Variants in ZNF208 observed in about 807,000 individuals in gnomAD.
ZNF208 encodes the protein zinc finger protein 95.
In ZNF208, 10 loss-of-function variants were observed where a neutral mutation model predicts 12.1. The observed-to-expected ratio is 0.83, with a 90% confidence interval of 0.51 to 1.40. ZNF208 has a LOEUF of 1.40. ZNF208 is among the 40% of genes most tolerant of loss of function. The pLI, the probability that ZNF208 is intolerant of heterozygous loss-of-function variation, is 0.00. For synonymous variants in ZNF208, 497 were observed against 488.4 expected, an observed-to-expected ratio of 1.02 and a Z score of -0.23; for missense variants, 1,652 against 1,485.0, an observed-to-expected ratio of 1.11 and a Z score of -1.85.
At chr19:22,004,332 G>A (rs1330249081) in intron 1 of ZNF208, among the ~76,000 whole-genome samples, 4 of 151,980 alleles carry the variant, frequency 2.6e-5, no homozygotes, top group East Asian at 1.9e-4. Context: ...CCTGGCCAAC[G>A]TGGCAAAACC....
intron 3 of ZNF208, among the ~76,000 whole-genome samples, chr19:21,982,142 G>A (rs2145560842): frequency 6.6e-6 from 1 of 152,136 alleles, no homozygotes; most frequent in East Asian, 1.9e-4. Flanking sequence ...TGGATCATGA[G>A]GTCAGGAGAT....
At chr19:21,944,115 T>TC (rs1287224543) in intron 4 of ZNF208, among the ~76,000 whole-genome samples, 1 of 152,232 alleles carries the variant, frequency 6.6e-6, no homozygotes, top group African/African-American at 2.4e-5. Flanking sequence ...AAGGCACTAT[T>TC]CAGTAGATAT....
chr19:21,970,167 C>A lies in ZNF208; in HGVS notation c.*1024G>T, dbSNP rs1970252700. ...TCTGAGGTGTTGCCAAAAGCATTGT[C>A]ACATCTTTCAGGTTTGTAGAGTCTC... On this transcript the variant is annotated 3_prime_UTR_variant, in exon 4 of 4. Transcript: ENST00000397126. Among the ~76,000 whole-genome samples the A allele has an allele frequency of 6.6e-6, 1 of 152,174 alleles. No homozygotes were observed. Among genetic ancestry groups the A allele is most frequent in the African/African-American group, 2.4e-5 (1 of 41,458 alleles).
intron 1 of ZNF208, among the ~76,000 whole-genome samples, chr19:21,999,921 C>A (rs1365366711): frequency 6.6e-6 from 1 of 152,192 alleles, no homozygotes; most frequent in East Asian, 1.9e-4. Context: ...TGTCTTACAA[C>A]AGCCAGGTCT....
At chr19:21,961,948 G>A (rs1970077660), downstream of ZNF208, among the ~76,000 whole-genome samples, 1 of 152,102 alleles carries the variant, frequency 6.6e-6, no homozygotes, top group Non-Finnish European at 1.5e-5. Context: ...TACTGGTCCT[G>A]AGGTGACATA....
chr19:21,942,547 T>A (rs1457899992), intron 4 of ZNF208, among the ~76,000 whole-genome samples: 2 of 152,346 alleles, frequency 1.3e-5, no homozygotes, highest in East Asian at 3.9e-4. Flanking sequence ...TTCAATGTTG[T>A]TTACAGGGAT....
In ZNF208 at chr19:21,968,740, G is replaced by A. The variant is rs547803910; in HGVS notation, c.*2451C>T. On this transcript the variant is annotated 3_prime_UTR_variant, in exon 4 of 4. Coordinates refer to ENST00000397126, the MANE Select transcript of ZNF208 (RefSeq NM_007153.3). ...GGTGAAATCCCACCTTGATTTTTTC[G>A]AATGCATTCAGTAGGCTTAGGTAAA... is the stretch of plus-strand genomic sequence containing the variant. 3.7e-4 allele frequency among the ~76,000 whole-genome samples: 55 copies of A among 147,284 alleles called. No homozygotes were observed. The highest frequency in any genetic ancestry group is 6.1e-4 in the Non-Finnish European group (41 of 67,210).
intron 4 of ZNF208, chr19:21,941,225 A>C (rs1246692481): frequency 2.5e-6 from 1 of 398,040 alleles, no homozygotes; most frequent in Non-Finnish European, 4.4e-6. Context: ...AGCAAAGCAA[A>C]CACCAGAGAA....
chr19:21,986,967 G>A, intron 3 of ZNF208: 1 of 487,460 alleles, frequency 2.1e-6, no homozygotes, highest in Non-Finnish European at 3.6e-6. Context: ...TGTATGCCAT[G>A]AACAGTACTT....
At position 21,973,563 on chromosome 19, in the gene ZNF208, G is replaced by A. The variant is rs1970355097; in HGVS notation, c.1471C>T (p.His491Tyr). ...CATTTGTAGGGTTTCTCTCCAGCATGAGTTGCCTTATCACATTCTTCACAT... is the reference window on the plus strand; with the variant it reads ...CATTTGTAGGGTTTCTCTCCAGCATAAGTTGCCTTATCACATTCTTCACAT... ...YKCEECDKAT[H>Y]AGEKPYKCEE... is the part of the protein sequence containing the mutation. The change falls in exon 4 of 4, where the codon CAT becomes TAT. Residue 491 changes from histidine to tyrosine, a missense_variant. This residue lies in a region of ZNF208 where 1,239 missense variants were observed against 1,086.2 expected (regional missense o/e 1.14). Transcript: ENST00000397126. 1.2e-6 allele frequency: 2 copies of A among 1,610,350 alleles called. No individual in the cohort carries two copies. The highest frequency in any genetic ancestry group is 1.4e-5 in the African/African-American group (1 of 73,798).
chr19:21,983,044 A>C (rs1175427144), intron 3 of ZNF208, among the ~76,000 whole-genome samples: 8 of 152,208 alleles, frequency 5.3e-5, no homozygotes. Context: ...GCTTCTGCAC[A>C]GCAAAAGAAA....
chr19:21,991,740 C>CAAAAAAAA (rs555662605), intron 1 of ZNF208: 4 of 73,774 alleles, frequency 5.4e-5, no homozygotes, highest in African/African-American at 4.1e-5. Flanking sequence ...AACTCCATCT[C>CAAAAAAAA]AAAAAAAAAA....
At chr19:21,963,557 C>T (rs1385060242), downstream of ZNF208, among the ~76,000 whole-genome samples, 6 of 151,940 alleles carry the variant, frequency 3.9e-5, no homozygotes, top group African/African-American at 9.7e-5. Context: ...AGTGGAGGTG[C>T]AACACATTGC....
At chr19:22,008,074 G>A (rs1971079291) in intron 1 of ZNF208, among the ~76,000 whole-genome samples, 1 of 150,928 alleles carries the variant, frequency 6.6e-6, no homozygotes, top group Non-Finnish European at 1.5e-5. Flanking sequence ...GGAGGCTGAG[G>A]CAGCCAGATC....
intron 4 of ZNF208, chr19:21,941,000 G>A: frequency 4.9e-6 from 1 of 205,858 alleles, no homozygotes; most frequent in Non-Finnish European, 9.6e-6. Context: ...TGCTGCGGCG[G>A]TTCCTGCTGT....
Position 21,971,750 on chromosome 19 carries a change from T to A in ZNF208, c.3284A>T (p.Asn1095Ile). ...YKCEECGKAF[N>I]WSSNLMEHKR... ...ATGTTCCATAAGGTTTGAGGACCAG[T>A]TGAAAGCTTTGCCACATTCTTCACA... Residue 1095 changes from asparagine (N) to isoleucine (I), a missense_variant, in exon 4 of 4, where the codon AAC becomes ATC. By Grantham distance (149) the Asn-to-Ile change is moderately radical. Coordinates refer to ENST00000397126, the MANE Select transcript of ZNF208 (RefSeq NM_007153.3). The A allele has an allele frequency of 1.9e-6, 3 of 1,612,760 alleles. No individual in the cohort carries two copies. The highest frequency in any genetic ancestry group is 1.7e-6 in the Non-Finnish European group (2 of 1,179,690).
At position 21,970,901 on chromosome 19, in the gene ZNF208, G is replaced by C. The variant is rs931157981; in HGVS notation, c.*290C>G. 6.6e-6 allele frequency among the ~76,000 whole-genome samples: 1 copy of C among 151,012 alleles called. No homozygotes were observed. Among genetic ancestry groups the C allele is most frequent in the Admixed American group, 6.6e-5 (1 of 15,140 alleles). ...GAATTTTCTATGATAACTGAGGGTT[G>C]AGGACCACTTATAGGCTTTGCCACA... On this transcript the variant is annotated 3_prime_UTR_variant, in exon 4 of 4. Transcript: ENST00000397126.
downstream of ZNF208, among the ~76,000 whole-genome samples, chr19:21,964,248 A>C (rs1970125741): frequency 6.6e-6 from 1 of 151,886 alleles, no homozygotes; most frequent in Non-Finnish European, 1.5e-5. Flanking sequence ...TATACATTTT[A>C]TTTCAAATGG....
intron 1 of ZNF208, among the ~76,000 whole-genome samples, chr19:22,003,321 G>T (rs1346645509): frequency 6.6e-6 from 1 of 151,978 alleles, no homozygotes; most frequent in East Asian, 1.9e-4. Flanking sequence ...TGCAACAAAA[G>T]CAAAAACTGA....
Sources: allele counts gnomAD v4.1 joint callset (sites outside exome capture counted in the v4.1 genomes callset), GRCh38; gene constraint gnomAD v4.1.1; regional missense constraint gnomAD v4.1.1; transcripts MANE v1.5; gene names NCBI Gene and HGNC (gene_info 2026-07-23, HGNC 2026-07-21).